The following GHRH variants were observed in gnomAD, a reference collection of about 807,000 sequenced individuals.
The protein encoded by GHRH is growth hormone releasing hormone, also known as somatoliberin.
Under a neutral mutation model 15.6 loss-of-function variants are expected in GHRH, and 7 were observed. That is an observed-to-expected ratio of 0.45 (90% confidence interval 0.26 to 0.84). GHRH has a LOEUF of 0.84. Ranked by LOEUF, GHRH falls within the 40% of genes least tolerant of loss-of-function variation. GHRH has a pLI of 0.18. For missense variants in GHRH, 117 were observed against 138.0 expected, an observed-to-expected ratio of 0.85 and a Z score of 0.76; for synonymous variants, 54 against 50.4, an observed-to-expected ratio of 1.07 and a Z score of -0.30.
At chr20:37,253,418 T>C (rs922381153) in intron 4 of GHRH, among the ~76,000 whole-genome samples, 1 of 152,230 alleles carries the variant, frequency 6.6e-6, no homozygotes, top group Non-Finnish European at 1.5e-5. Context: ...TGCAGCCGAA[T>C]CCTTGGGAAC....
intron 3 of GHRH, among the ~76,000 whole-genome samples, chr20:37,254,802 C>T (rs2068645930): frequency 6.6e-6 from 1 of 152,150 alleles, no homozygotes; most frequent in South Asian, 2.1e-4. Context: ...TTCTATAAAT[C>T]ATTAGCCTTT....
chr20:37,256,937 G>A, intron 1 of GHRH, 29 bp from the exon 2 acceptor site: 1 of 1,369,198 alleles, frequency 7.3e-7, no homozygotes, highest in Non-Finnish European at 1.0e-6. Context: ...GGAAGGTCAG[G>A]TACAGCCACA....
intron 4 of GHRH, among the ~76,000 whole-genome samples, chr20:37,251,832 A>G (rs78754144): frequency 1.0e-3 from 155 of 152,316 alleles, no homozygotes; most frequent in African/African-American, 3.5e-3. Flanking sequence ...CTGCACTCTA[A>G]AGCAGGAACT....
intron 4 of GHRH, among the ~76,000 whole-genome samples, chr20:37,251,602 T>C (rs1244987715): frequency 6.6e-6 from 1 of 152,194 alleles, no homozygotes; most frequent in Admixed American, 6.5e-5. Flanking sequence ...TCTAGTTCCT[T>C]GCTGCTTCGG....
At chr20:37,260,312 G>C (rs1200645043) in intron 1 of GHRH, among the ~76,000 whole-genome samples, 1 of 151,842 alleles carries the variant, frequency 6.6e-6, no homozygotes, top group Non-Finnish European at 1.5e-5. Flanking sequence ...GAATTATCCA[G>C]TGTAGGGTAA....
intron 2 of GHRH, 41 bp downstream of exon 2, chr20:37,256,766 T>TG (rs2068658777): frequency 6.7e-7 from 1 of 1,490,656 alleles, no homozygotes; most frequent in Admixed American, 1.8e-5. Context: ...ATGGCAGGGA[T>TG]GGCTTGGGAG....
At chr20:37,253,200 G>A (rs538062407) in intron 4 of GHRH, among the ~76,000 whole-genome samples, 3 of 152,336 alleles carry the variant, frequency 2.0e-5, no homozygotes, top group South Asian at 2.1e-4. Context: ...CTGCCGCCCC[G>A]TCTTTGCCTC....
chr20:37,260,630 A>G (rs1376653263), intron 1 of GHRH, among the ~76,000 whole-genome samples: 1 of 152,188 alleles, frequency 6.6e-6, no homozygotes, highest in Non-Finnish European at 1.5e-5. Flanking sequence ...TCCACATGAC[A>G]ACTTAAGGAG....
chr20:37,260,516 T>G (rs982593040), intron 1 of GHRH, among the ~76,000 whole-genome samples: 6 of 151,470 alleles, frequency 4.0e-5, no homozygotes, highest in Non-Finnish European at 8.8e-5. Flanking sequence ...GCCCGGGAGG[T>G]TAAGGCTGCA....
intron 3 of GHRH, among the ~76,000 whole-genome samples, chr20:37,254,816 A>G (rs191919784): frequency 6.6e-6 from 1 of 152,204 alleles, no homozygotes; most frequent in East Asian, 1.9e-4. Context: ...AGCCTTTACT[A>G]ATCAAAACTG....
At chr20:37,256,986 G>C in intron 1 of GHRH, 78 bp from the exon 2 acceptor site, 2 of 859,956 alleles carry the variant, frequency 2.3e-6, no homozygotes, top group Non-Finnish European at 3.8e-6. Context: ...CCCTGGGCTT[G>C]GCTCCATGGC....
intron 1 of GHRH, among the ~76,000 whole-genome samples, chr20:37,257,466 G>A (rs575874634): frequency 7.4e-5 from 11 of 149,478 alleles, no homozygotes; most frequent in African/African-American, 2.7e-4. Flanking sequence ...AGTGAGCCAA[G>A]ATCGTCCCAT....
intron 1 of GHRH, among the ~76,000 whole-genome samples, chr20:37,259,333 C>T (rs889625106): frequency 3.3e-5 from 5 of 152,170 alleles, no homozygotes; most frequent in Non-Finnish European, 5.9e-5. Context: ...CACCATACCA[C>T]GTCTGGTCCC....
intron 1 of GHRH, among the ~76,000 whole-genome samples, chr20:37,257,116 C>T (rs1401002634): frequency 2.6e-5 from 4 of 152,218 alleles, no homozygotes; most frequent in African/African-American, 7.2e-5. Context: ...ACTTCATTTT[C>T]TCCATCTGTA....
intron 1 of GHRH, 74 bp from the exon 2 acceptor site, chr20:37,256,982 G>T: frequency 1.1e-6 from 1 of 917,682 alleles, no homozygotes; most frequent in Non-Finnish European, 1.7e-6. Flanking sequence ...CCAGCCCTGG[G>T]CTTGGCTCCA....
At chr20:37,255,660 CAAAAAAAAAA>C (rs61126074) in intron 3 of GHRH, among the ~76,000 whole-genome samples, 2 of 14,710 alleles carry the variant, frequency 1.4e-4, no homozygotes, top group African/African-American at 4.9e-4. Flanking sequence ...GACTCCATCT[CAAAAAAAAAA>C]AAAAAAAAAA....
At chr20:37,251,416 C>T (rs1412714985) in intron 4 of GHRH, among the ~76,000 whole-genome samples, 185 bp from the exon 5 acceptor site, 1 of 152,046 alleles carries the variant, frequency 6.6e-6, no homozygotes, top group South Asian at 2.1e-4. Context: ...CAGGCTTAGC[C>T]CCTGCTCTCT....
intron 1 of GHRH, among the ~76,000 whole-genome samples, chr20:37,257,760 C>T (rs906805572): frequency 6.6e-6 from 1 of 152,130 alleles, no homozygotes; most frequent in Non-Finnish European, 1.5e-5. Context: ...TTATTTTCCC[C>T]GGCCATAAAA....
At position 37,260,479 on chromosome 20, in the gene GHRH, G is replaced by A. The variant is rs1464451290; in HGVS notation, c.-20+1264C>T. Among the ~76,000 whole-genome samples the A allele has an allele frequency of 8.5e-5, 13 of 152,060 alleles. 1 individual carries two copies. In the South Asian group the frequency reaches 2.7e-3, roughly 31 times the overall value. On this transcript the variant is annotated intron_variant, in intron 1 of 4. Coordinates refer to ENST00000373614, the MANE Select transcript of GHRH (RefSeq NM_021081.6). ...GCATGCCTGTAGTCCCAGCTACTCT[G>A]GAGGCTGATGTGGGAGGATTGCTTG...
Sources: gnomAD v4.1 joint callset for allele counts (sites outside exome capture counted in the v4.1 genomes callset) on GRCh38, gnomAD v4.1.1 for gene constraint, MANE v1.5 for transcripts, NCBI Gene and HGNC (gene_info 2026-07-23, HGNC 2026-07-21) for gene names.